Variants in COG7 observed in about 807,000 individuals in gnomAD.
COG7 encodes the protein component of oligomeric golgi complex 7.
COG7 carries 49 observed loss-of-function variants against 91.5 expected under a neutral mutation model. The ratio of observed to expected loss-of-function variants is 0.54; its 90% CI spans 0.43 to 0.68. COG7 has a LOEUF of 0.68. Among genes scored for constraint, COG7 ranks in the 30% least tolerant of loss-of-function variants. The pLI is 0.00. For synonymous variants in COG7, 365 were observed against 388.7 expected, an observed-to-expected ratio of 0.94 and a Z score of 0.72; for missense variants, 895 against 961.3, an observed-to-expected ratio of 0.93 and a Z score of 0.91.
chr16:23,435,584 A>C (rs1051406121), intron 4 of COG7, among the ~76,000 whole-genome samples: 1 of 152,212 alleles, frequency 6.6e-6, no homozygotes, highest in African/African-American at 2.4e-5. Flanking sequence ...GCAGTCTCTG[A>C]ATAGTGTGCA....
At chr16:23,401,279 T>C (rs1209023177) in intron 13 of COG7, among the ~76,000 whole-genome samples, 2 of 152,236 alleles carry the variant, frequency 1.3e-5, no homozygotes, top group Non-Finnish European at 2.9e-5. Flanking sequence ...TGGTATTGTG[T>C]GCTGGCACCC....
rs1964294425 is a variant in COG7 at position 23,453,122 on chromosome 16, G to A, written c.-128C>T. The stretch of plus-strand genomic sequence containing the variant: ...TCCGAGGCGAACCCCAGAAACGCCA[G>A]GACGGGTAACTTGCCCCTTTGCGCT... On this transcript the variant is annotated 5_prime_UTR_variant, in exon 1 of 17. Coordinates refer to ENST00000307149, the MANE Select transcript of COG7 (RefSeq NM_153603.4). 2.5e-5 allele frequency: 37 copies of A among 1,502,306 alleles called. No homozygotes were observed. The highest frequency in any genetic ancestry group is 3.0e-5 in the Non-Finnish European group (34 of 1,122,368). 93.1% of individuals were successfully genotyped at this position (1,502,306 alleles called of 1,614,324 possible).
At chr16:23,400,961 CTTTGTCTCAAAAAAAAAAGGG>C (rs1206510736) in intron 13 of COG7, among the ~76,000 whole-genome samples, 11 of 142,186 alleles carry the variant, frequency 7.7e-5, no homozygotes, top group African/African-American at 2.9e-4. Flanking sequence ...CAGAGTGAGA[CTTTGTCTCAAAAAAAAAAGGG>C]GGGGGGGAAA....
chr16:23,398,022 G>T, intron 14 of COG7, 24 bp downstream of exon 14: 1 of 1,600,598 alleles, frequency 6.2e-7, no homozygotes, highest in Non-Finnish European at 8.6e-7. Context: ...GGACCACCCT[G>T]GAGAAGCACA....
chr16:23,417,232 T>C, intron 8 of COG7, 111 bp from the exon 9 acceptor site: 1 of 1,152,806 alleles, frequency 8.7e-7, no homozygotes, highest in South Asian at 1.3e-5. Context: ...AATAACGATG[T>C]CAGAAATATA....
chr16:23,393,117 T>TAA, intron 15 of COG7, 116 bp downstream of exon 15: 1 of 744,078 alleles, frequency 1.3e-6, no homozygotes. Flanking sequence ...GTTAGAAGGT[T>TAA]AAAAAAAAAC....
At chr16:23,394,299 T>C (rs1168378400) in intron 14 of COG7, among the ~76,000 whole-genome samples, 1 of 152,226 alleles carries the variant, frequency 6.6e-6, no homozygotes, top group African/African-American at 2.4e-5. Flanking sequence ...ATTTAGGACA[T>C]GCCCACAATT....
At chr16:23,427,221 A>C (rs1963862847) in intron 6 of COG7, among the ~76,000 whole-genome samples, 2 of 152,168 alleles carry the variant, frequency 1.3e-5, no homozygotes, top group African/African-American at 2.4e-5. Flanking sequence ...ACTGCACTCC[A>C]GCCTGGGCGA....
At chr16:23,442,372 T>C in intron 4 of COG7, 105 bp downstream of exon 4, 1 of 964,408 alleles carries the variant, frequency 1.0e-6, no homozygotes, top group Non-Finnish European at 1.6e-6. Flanking sequence ...TTCCTTCTAA[T>C]CTATGTAATT....
chr16:23,417,324 C>T, intron 8 of COG7: 1 of 615,402 alleles, frequency 1.6e-6, no homozygotes, highest in South Asian at 1.9e-5. Flanking sequence ...GAAATTCACT[C>T]CTGGCAGAAA....
chr16:23,436,630 G>C (rs1964017797), intron 4 of COG7, among the ~76,000 whole-genome samples: 1 of 152,170 alleles, frequency 6.6e-6, no homozygotes, highest in Non-Finnish European at 1.5e-5. Flanking sequence ...AGCTACTCCA[G>C]AAGCTGAGGC....
intron 1 of COG7, among the ~76,000 whole-genome samples, chr16:23,449,325 T>C (rs1964228028): frequency 6.7e-6 from 1 of 150,234 alleles, no homozygotes; most frequent in Non-Finnish European, 1.5e-5. Flanking sequence ...ATCACGCCAC[T>C]GCCCTCCAGC....
chr16:23,392,216 G>A (rs1440877379), intron 16 of COG7, 164 bp downstream of exon 16: 2 of 1,507,466 alleles, frequency 1.3e-6, no homozygotes, highest in Non-Finnish European at 1.8e-6. Flanking sequence ...CAGAATCTCT[G>A]GGGCAGGGCC....
At chr16:23,404,349 G>A (rs957889439) in intron 12 of COG7, among the ~76,000 whole-genome samples, 2 of 152,156 alleles carry the variant, frequency 1.3e-5, no homozygotes, top group South Asian at 4.1e-4. Flanking sequence ...GAGATGGAAA[G>A]TGTAACCTTA....
intron 6 of COG7, among the ~76,000 whole-genome samples, chr16:23,427,708 ACT>A (rs748350279): frequency 6.6e-6 from 1 of 151,932 alleles, no homozygotes; most frequent in East Asian, 1.9e-4. Flanking sequence ...CTGCCCTCTG[ACT>A]CTCTGTTCTT....
chr16:23,448,576 C>T (rs1164568673), intron 1 of COG7, among the ~76,000 whole-genome samples: 2 of 152,100 alleles, frequency 1.3e-5, no homozygotes, highest in African/African-American at 4.8e-5. Context: ...CTTCCCAAAG[C>T]ACTGAGATCA....
At chr16:23,389,383 ACT>A (rs1419197042) in intron 16 of COG7, among the ~76,000 whole-genome samples, 1 of 151,202 alleles carries the variant, frequency 6.6e-6, no homozygotes, top group African/African-American at 2.4e-5. Context: ...ACGCACACAC[ACT>A]CTCACATCCA....
At chr16:23,440,937 G>T (rs1964090853) in intron 4 of COG7, among the ~76,000 whole-genome samples, 1 of 151,980 alleles carries the variant, frequency 6.6e-6, no homozygotes, top group Admixed American at 6.6e-5. Context: ...GGCAGGAGGG[G>T]ACTGAGAGGG....
intron 1 of COG7, among the ~76,000 whole-genome samples, chr16:23,449,099 C>A (rs1964224155): frequency 6.6e-6 from 1 of 152,148 alleles, no homozygotes; most frequent in Non-Finnish European, 1.5e-5. Context: ...CGCAGTGGCT[C>A]ACGCCTATAA....
Sources: gnomAD v4.1 joint callset for allele counts (sites outside exome capture counted in the v4.1 genomes callset) on GRCh38, gnomAD v4.1.1 for gene constraint, MANE v1.5 for transcripts, NCBI Gene and HGNC (gene_info 2026-07-23, HGNC 2026-07-21) for gene names.